SIPA1L2: variants seen among roughly 807,000 people sequenced by gnomAD.
SIPA1L2 encodes the protein signal induced proliferation associated 1 like 2, also known as signal-induced proliferation-associated 1-like protein 2.
SIPA1L2 carries 56 observed loss-of-function variants against 163.9 expected under a neutral mutation model. That is an observed-to-expected ratio of 0.34 (90% CI 0.28 to 0.43). The LOEUF is 0.43. SIPA1L2 is among the 20% of genes least tolerant of loss of function. The pLI is 1.00. For synonymous variants in SIPA1L2, 877 were observed against 865.7 expected (o/e 1.01, Z -0.23); for missense variants, 1,974 against 2,193.5 (o/e 0.90, Z 2.00).
Position 232,460,978 on chromosome 1 carries a change from G to C in SIPA1L2, c.3004C>G (p.Leu1002Val). ...AGGTCGATCATCTGCTCGTGGGTCA[G>C]AGTGGCCACGGCTACTTTGCAGATC... The part of the protein sequence containing the change: ...VEICKVAVAT[L>V]THEQMIDLLR... The change falls in exon 10 of 23, where the codon CTG (leucine) becomes GTG (valine). Residue 1002 changes from leucine to valine, a missense_variant. By Grantham distance (32) the Leu-to-Val change is conservative. Coordinates refer to ENST00000674635, the MANE Select transcript of SIPA1L2 (RefSeq NM_020808.5). 6.2e-6 allele frequency: 10 copies of C among 1,614,198 alleles called. No homozygotes were observed. Among genetic ancestry groups the C allele is most frequent in the Non-Finnish European group, 7.6e-6 (9 of 1,180,026 alleles).
chr1:232,408,991 T>G (rs1345802020), intron 19 of SIPA1L2, among the ~76,000 whole-genome samples: 2 of 152,180 alleles, frequency 1.3e-5, no homozygotes, highest in African/African-American at 4.8e-5. Context: ...TTTAAATACC[T>G]AAATCCAAAT....
chr1:232,489,248 C>T (rs1276768419), intron 5 of SIPA1L2, among the ~76,000 whole-genome samples: 2 of 152,202 alleles, frequency 1.3e-5, no homozygotes, highest in African/African-American at 2.4e-5. Flanking sequence ...TCTCTTACAA[C>T]ATGCAAATGA....
In SIPA1L2 at chr1:232,425,722, G is replaced by A; in HGVS notation, c.4497C>T (p.Ser1499=). ...DESICSNRRG[S]SFGSSRSSVL... ...CGGAACTCCGGGAACTGCCAAAGGA[G>A]GACCCCCTCCTGTTGCTGCAGATGC... The change falls in exon 18 of 23, where the codon TCC becomes TCT. Residue 1499 remains serine, a synonymous_variant. Transcript: ENST00000674635. 1 of 1,614,108 alleles carries A rather than the reference G, an allele frequency of 6.2e-7. No homozygotes were observed. The highest frequency in any genetic ancestry group is 8.5e-7 in the Non-Finnish European group (1 of 1,179,998).
At chr1:232,442,045 T>C (rs1007068955) in intron 12 of SIPA1L2, among the ~76,000 whole-genome samples, 177 bp from the exon 13 acceptor site, 1 of 152,038 alleles carries the variant, frequency 6.6e-6, no homozygotes, top group Admixed American at 6.5e-5. Context: ...GCTAAAAGCA[T>C]CTGAAATTGT....
chr1:232,485,442 C>T (rs1411094416), intron 5 of SIPA1L2, among the ~76,000 whole-genome samples: 1 of 152,022 alleles, frequency 6.6e-6, no homozygotes, highest in Admixed American at 6.6e-5. Flanking sequence ...TTGTATTCAC[C>T]CAGAGATTGA....
chr1:232,537,798 G>C (rs950715940), intron 2 of SIPA1L2, among the ~76,000 whole-genome samples: 2 of 152,226 alleles, frequency 1.3e-5, no homozygotes, highest in Non-Finnish European at 2.9e-5. Context: ...TAAATGAGCT[G>C]AGGCAGGTAA....
chr1:232,503,330 T>A (rs1307693082), intron 3 of SIPA1L2, among the ~76,000 whole-genome samples: 2 of 152,176 alleles, frequency 1.3e-5, no homozygotes, highest in Non-Finnish European at 2.9e-5. Flanking sequence ...AATAATAATT[T>A]TAGCTCACAG....
chr1:232,516,000 A>C (rs1667203689), intron 2 of SIPA1L2, among the ~76,000 whole-genome samples: 1 of 152,240 alleles, frequency 6.6e-6, no homozygotes, highest in Non-Finnish European at 1.5e-5. Flanking sequence ...GCTGTGTACC[A>C]GCATTAACTA....
At chr1:232,574,439 T>C (rs1399041872) in intron 1 of SIPA1L2, among the ~76,000 whole-genome samples, 2 of 138,200 alleles carry the variant, frequency 1.4e-5, no homozygotes, top group Non-Finnish European at 3.2e-5. Flanking sequence ...AGAGATTGAA[T>C]GAAGAAGCAG....
chr1:232,509,319 G>A (rs1028323721), intron 3 of SIPA1L2, among the ~76,000 whole-genome samples: 2 of 152,032 alleles, frequency 1.3e-5, no homozygotes, highest in Non-Finnish European at 1.5e-5. Flanking sequence ...TTAAAGTATC[G>A]CACTTTAAAC....
chr1:232,436,292 G>A (rs12736932), intron 15 of SIPA1L2, among the ~76,000 whole-genome samples: 23,716 of 152,232 alleles, frequency 0.16, 2,257 homozygotes, highest in Non-Finnish European at 0.22. Flanking sequence ...CTCAAAACAC[G>A]AATGCTCCAG....
At position 232,479,614 on chromosome 1, in the gene SIPA1L2, G is replaced by T; in HGVS notation, c.2085+13C>A. 6.2e-7 allele frequency: 1 copy of T among 1,607,166 alleles called. No individual in the cohort carries two copies. The highest frequency in any genetic ancestry group is 8.5e-7 in the Non-Finnish European group (1 of 1,173,908). ...TACTCAGCGTAAAAAGCTCCAGGCT[G>T]GGGAGGACATACCTGTTGTCTGTTG... On this transcript the variant is annotated intron_variant, in intron 7 of 22. Transcript: ENST00000674635.
At chr1:232,474,376 A>C (rs983135697) in intron 7 of SIPA1L2, among the ~76,000 whole-genome samples, 7 of 152,218 alleles carry the variant, frequency 4.6e-5, no homozygotes, top group Non-Finnish European at 8.8e-5. Flanking sequence ...AGGAAAGAGA[A>C]AATGTGAGTC....
chr1:232,560,049 C>G (rs537710950), intron 2 of SIPA1L2, among the ~76,000 whole-genome samples: 2 of 152,242 alleles, frequency 1.3e-5, no homozygotes, highest in Non-Finnish European at 2.9e-5. Flanking sequence ...CTCTCTCTCT[C>G]ACACACAGAA....
At chr1:232,617,251 CAAGT>C (rs1357262090) in intron 1 of SIPA1L2, among the ~76,000 whole-genome samples, 1 of 152,180 alleles carries the variant, frequency 6.6e-6, no homozygotes, top group Non-Finnish European at 1.5e-5. Flanking sequence ...AGGCCCGCAG[CAAGT>C]GTCAGCCAAC....
rs140030721 is a variant in SIPA1L2 at position 232,579,353 on chromosome 1, C to T, written c.-318-5131G>A. On this transcript the variant is annotated intron_variant, in intron 1 of 22. Transcript: ENST00000674635. ...GTTTTGCAGCCCCACACCACCACAC[C>T]TCAGAGTTTTCCATTAGCCCCAAAA... Among the ~76,000 whole-genome samples, 11 of 152,282 alleles carry T rather than the reference C, an allele frequency of 7.2e-5. No individual in the cohort carries two copies. The East Asian group carries it at 2.1e-3, about 29-fold the overall frequency.
chr1:232,605,354 A>T (rs1661846602), intron 1 of SIPA1L2, among the ~76,000 whole-genome samples: 1 of 152,206 alleles, frequency 6.6e-6, no homozygotes, highest in African/African-American at 2.4e-5. Context: ...AAACCATGGA[A>T]TATCACAGTG....
chr1:232,422,696 C>T (rs868284231), intron 18 of SIPA1L2, among the ~76,000 whole-genome samples: 2 of 152,204 alleles, frequency 1.3e-5, no homozygotes, highest in Non-Finnish European at 2.9e-5. Flanking sequence ...CCATCTGGAA[C>T]CAACCTCTGC....
At position 232,622,674 on chromosome 1, in the gene SIPA1L2, T is replaced by G. The variant is rs556014954; in HGVS notation, c.-319+7195A>C. Among the ~76,000 whole-genome samples, 6 of 152,296 alleles carry G rather than the reference T, an allele frequency of 3.9e-5. No homozygotes were observed. The South Asian group carries it at 1.2e-3, about 32-fold the overall frequency. On this transcript the variant is annotated intron_variant, in intron 1 of 22. Coordinates refer to ENST00000674635, the MANE Select transcript of SIPA1L2 (RefSeq NM_020808.5). ...CACCCCTCTGAATGGGGCTATAAAG[T>G]TCTTGATGTAACAGATGGAACACAG...
Sources: gnomAD v4.1 joint callset for allele counts (sites outside exome capture counted in the v4.1 genomes callset) on GRCh38, gnomAD v4.1.1 for gene constraint, MANE v1.5 for transcripts, NCBI Gene and HGNC (gene_info 2026-07-23, HGNC 2026-07-21) for gene names.